The following SNX24 variants were observed in gnomAD, a reference collection of about 807,000 sequenced individuals.
The protein encoded by SNX24 is sorting nexin-24.
Under a neutral mutation model 28.7 loss-of-function variants are expected in SNX24, and 22 were observed. That is an observed-to-expected ratio of 0.77 (90% confidence interval 0.55 to 1.10). The LOEUF (loss-of-function observed/expected upper bound fraction) is 1.10. Among genes scored for constraint, SNX24 ranks in the 50% least tolerant of loss-of-function variants. The pLI, the probability that SNX24 is intolerant of heterozygous loss-of-function variation, is 0.00. For synonymous variants in SNX24, 69 were observed against 71.5 expected (o/e 0.96, Z 0.18); for missense variants, 221 against 201.1 (o/e 1.10, Z -0.60).
intron 1 of SNX24, among the ~76,000 whole-genome samples, chr5:122,853,441 C>T (rs1204583727): frequency 1.3e-5 from 2 of 152,032 alleles, no homozygotes; most frequent in Non-Finnish European, 2.9e-5. Flanking sequence ...GTTCCTTACC[C>T]TTAAGGACAA....
intron 1 of SNX24, among the ~76,000 whole-genome samples, chr5:122,888,575 G>A (rs1442313306): frequency 2.6e-5 from 4 of 152,140 alleles, no homozygotes; most frequent in Admixed American, 6.5e-5. Flanking sequence ...TCAGAATATT[G>A]CAGATCCAGA....
chr5:122,920,924 C>A (rs1279006786), intron 1 of SNX24, among the ~76,000 whole-genome samples: 12 of 152,158 alleles, frequency 7.9e-5, no homozygotes, highest in Admixed American at 2.0e-4. Flanking sequence ...CAGTATCTCA[C>A]TATGCTGCAC....
chr5:122,868,827 A>G (rs1755844982), intron 1 of SNX24, among the ~76,000 whole-genome samples: 1 of 152,188 alleles, frequency 6.6e-6, no homozygotes, highest in African/African-American at 2.4e-5. Context: ...ACACTCTTAC[A>G]GAAACACCCA....
intron 1 of SNX24, among the ~76,000 whole-genome samples, chr5:122,934,658 G>A (rs1055180180): frequency 7.9e-5 from 12 of 152,094 alleles, no homozygotes; most frequent in African/African-American, 2.7e-4. Context: ...GCGCCTGGCC[G>A]GATTTATTAA....
In SNX24 at chr5:122,845,646, A is replaced by C. The variant is rs372888258; in HGVS notation, c.13A>C (p.Ile5Leu). 2 of 1,432,738 alleles carry C rather than the reference A, an allele frequency of 1.4e-6. No individual in the cohort carries two copies. Among genetic ancestry groups the C allele is most frequent in the Non-Finnish European group, 1.8e-6 (2 of 1,084,152 alleles). 88.8% of individuals were successfully genotyped at this position (1,432,738 alleles called of 1,614,324 possible). Reference protein sequence around the residue: MEVYIPSFRYEESDL... With the variant: MEVYLPSFRYEESDL... ...GGCCGGCGCGGCCATGGAGGTCTAC[A>C]TCCCGTCCTTTCGCTATGAAGAGAG... The change falls in exon 1 of 7, where the codon ATC (isoleucine) becomes CTC (leucine). Residue 5 changes from isoleucine (I) to leucine (L), a missense_variant. Physicochemically the swap from Ile to Leu is conservative, Grantham distance 5 (BLOSUM62 2). Coordinates refer to ENST00000261369, the MANE Select transcript of SNX24 (RefSeq NM_014035.4).
intron 1 of SNX24, among the ~76,000 whole-genome samples, chr5:122,893,656 A>G (rs550922327): frequency 5.9e-5 from 9 of 152,358 alleles, no homozygotes; most frequent in Admixed American, 3.9e-4. Flanking sequence ...TGTTTTAACA[A>G]TAAACTCACT....
At chr5:122,964,502 A>G (rs1363291804) in intron 3 of SNX24, among the ~76,000 whole-genome samples, 5 of 152,044 alleles carry the variant, frequency 3.3e-5, no homozygotes, top group Non-Finnish European at 7.4e-5. Flanking sequence ...TTTCTCGTGC[A>G]TGTTTATAAT....
At chr5:122,891,560 C>T (rs904054629) in intron 1 of SNX24, among the ~76,000 whole-genome samples, 5 of 152,044 alleles carry the variant, frequency 3.3e-5, no homozygotes, top group South Asian at 2.1e-4. Context: ...ATAAGTCTTA[C>T]ATATTACCTC....
At chr5:122,846,951 T>C (rs1754666135) in intron 1 of SNX24, among the ~76,000 whole-genome samples, 1 of 151,160 alleles carries the variant, frequency 6.6e-6, no homozygotes, top group Non-Finnish European at 1.5e-5. Flanking sequence ...TCGAGTTTGT[T>C]CAAGGCTTTT....
At chr5:123,000,821 A>T (rs1411074036) in intron 4 of SNX24, among the ~76,000 whole-genome samples, 2 of 152,180 alleles carry the variant, frequency 1.3e-5, no homozygotes, top group Non-Finnish European at 2.9e-5. Context: ...TCCATGCAGG[A>T]GAGAGGTTTA....
intron 1 of SNX24, among the ~76,000 whole-genome samples, chr5:122,850,790 TAA>T (rs151007728): frequency 0.68 from 92,939 of 137,064 alleles, 31,631 homozygotes; most frequent in African/African-American, 0.81. Context: ...GCATAAAAGT[TAA>T]AAAAAAAAAA....
intron 3 of SNX24, among the ~76,000 whole-genome samples, chr5:122,963,697 T>G (rs1243069413): frequency 6.6e-6 from 1 of 152,190 alleles, no homozygotes; most frequent in East Asian, 1.9e-4. Flanking sequence ...GCTTTTGTAG[T>G]GTGTTTCACT....
intron 1 of SNX24, among the ~76,000 whole-genome samples, chr5:122,915,628 T>TA (rs936302229): frequency 4.0e-5 from 6 of 151,472 alleles, no homozygotes; most frequent in East Asian, 1.9e-4. Flanking sequence ...CCTGTCTGTT[T>TA]AAAAAAAAAA....
At chr5:122,892,413 C>A (rs1757012283) in intron 1 of SNX24, among the ~76,000 whole-genome samples, 1 of 151,876 alleles carries the variant, frequency 6.6e-6, no homozygotes, top group Non-Finnish European at 1.5e-5. Flanking sequence ...TTCTACCTGT[C>A]ATTTCCTTTA....
intron 1 of SNX24, chr5:122,891,217 G>C (rs149662618): frequency 7.9e-7 from 1 of 1,264,352 alleles, no homozygotes; most frequent in Non-Finnish European, 1.0e-6. Context: ...AATGGTTTAG[G>C]AATGTTGACT....
chr5:122,974,383 A>ATC (rs1761082778), intron 3 of SNX24, among the ~76,000 whole-genome samples: 3 of 152,228 alleles, frequency 2.0e-5, no homozygotes, highest in Admixed American at 2.0e-4. Context: ...ATGGATCAAA[A>ATC]TCTCTGTGAA....
rs149656851 is a variant in SNX24 at position 122,857,104 on chromosome 5, C to T, written c.60+11411C>T. Among the ~76,000 whole-genome samples the T allele has an allele frequency of 2.7e-3, 413 of 151,992 alleles. 5 individuals carry two copies. The highest frequency in any genetic ancestry group is 0.01 in the Middle Eastern group (3 of 294). ...TCAGCTCACCACAACCTCCGCCTCC[C>T]GGGTTCAAGCAATGCTCCCGCCTCA... On this transcript the variant is annotated intron_variant, in intron 1 of 6. Transcript: ENST00000261369.
At chr5:122,897,245 T>G (rs1262244845) in intron 1 of SNX24, among the ~76,000 whole-genome samples, 1 of 152,170 alleles carries the variant, frequency 6.6e-6, no homozygotes, top group African/African-American at 2.4e-5. Context: ...ATTTCCAAAA[T>G]TATGGCAATT....
chr5:122,903,953 TATA>T (rs773881521), intron 1 of SNX24, among the ~76,000 whole-genome samples: 2 of 152,174 alleles, frequency 1.3e-5, no homozygotes, highest in Non-Finnish European at 2.9e-5. Flanking sequence ...GATACATAAA[TATA>T]ATGCATATTA....
Sources: allele counts gnomAD v4.1 joint callset (sites outside exome capture counted in the v4.1 genomes callset), GRCh38; gene constraint gnomAD v4.1.1; transcripts MANE v1.5; gene names NCBI Gene and HGNC (gene_info 2026-07-23, HGNC 2026-07-21).